PTPRD: variants seen among roughly 807,000 people sequenced by gnomAD.
PTPRD encodes receptor-type tyrosine-protein phosphatase delta.
Under a neutral mutation model 214.5 loss-of-function variants are expected in PTPRD, and 34 were observed. The ratio of observed to expected loss-of-function variants is 0.16; its 90% confidence interval spans 0.12 to 0.21. PTPRD has a LOEUF of 0.21. Among genes scored for constraint, PTPRD ranks in the 10% least tolerant of loss-of-function variants. The pLI, the probability that PTPRD is intolerant of heterozygous loss-of-function variation, is 1.00. For missense variants in PTPRD, 2,545 were observed against 2,398.7 expected (o/e 1.06, Z -1.27); for synonymous variants, 1,128 against 845.7 (o/e 1.33, Z -5.79).
chr9:8,381,037 C>A (rs78715966), intron 37 of PTPRD, among the ~76,000 whole-genome samples: 1,644 of 152,156 alleles, frequency 0.011, 43 homozygotes, highest in African/African-American at 0.038. Flanking sequence ...GTATTTGCCA[C>A]GAGATTATTT....
At chr9:9,199,099 T>C (rs1445073455) in intron 9 of PTPRD, among the ~76,000 whole-genome samples, 2 of 152,180 alleles carry the variant, frequency 1.3e-5, no homozygotes, top group East Asian at 1.9e-4. Context: ...GCCTTAGGGC[T>C]TCTCTGATGA....
At chr9:9,348,288 T>C (rs2137922650) in intron 9 of PTPRD, among the ~76,000 whole-genome samples, 1 of 152,212 alleles carries the variant, frequency 6.6e-6, no homozygotes, top group Admixed American at 6.6e-5. Context: ...CTATAATGTC[T>C]CTGGCACTGA....
intron 11 of PTPRD, among the ~76,000 whole-genome samples, chr9:8,972,178 G>A (rs778718236): frequency 6.6e-6 from 1 of 151,716 alleles, no homozygotes; most frequent in East Asian, 1.9e-4. Flanking sequence ...TACCATATGC[G>A]TTCTTGATAT....
intron 14 of PTPRD, among the ~76,000 whole-genome samples, chr9:8,552,348 C>T (rs1008346697): frequency 6.6e-6 from 1 of 152,166 alleles, no homozygotes; most frequent in Non-Finnish European, 1.5e-5. Context: ...TCTCTTCTTG[C>T]TGTGTCAGAA....
chr9:9,544,503 A>G (rs778278358), intron 8 of PTPRD, among the ~76,000 whole-genome samples: 51 of 151,790 alleles, frequency 3.4e-4, no homozygotes. Flanking sequence ...GAGGGCCTAT[A>G]TACTTAATGC....
chr9:10,572,452 A>T (rs2067759877), intron 2 of PTPRD, among the ~76,000 whole-genome samples: 1 of 152,180 alleles, frequency 6.6e-6, no homozygotes, highest in Non-Finnish European at 1.5e-5. Context: ...GAAGAAAGTG[A>T]TTTGACCAAC....
intron 10 of PTPRD, among the ~76,000 whole-genome samples, chr9:9,160,616 C>T (rs2099886252): frequency 6.6e-6 from 1 of 152,054 alleles, no homozygotes; most frequent in South Asian, 2.1e-4. Flanking sequence ...TAGAAAATGG[C>T]ATGGAGATTC....
At chr9:9,106,753 A>T (rs574226181) in intron 10 of PTPRD, among the ~76,000 whole-genome samples, 65 of 152,280 alleles carry the variant, frequency 4.3e-4, no homozygotes, top group African/African-American at 1.3e-3. Context: ...AAAAATTTCA[A>T]TACATGATAG....
intron 5 of PTPRD, among the ~76,000 whole-genome samples, chr9:9,775,999 C>T (rs1199620848): frequency 7.2e-6 from 1 of 139,100 alleles, no homozygotes; most frequent in African/African-American, 2.6e-5. Flanking sequence ...TTTTATGTCA[C>T]TCCCACTAAA....
intron 38 of PTPRD, 50 bp downstream of exon 38, chr9:8,376,557 C>A (rs2083311747): frequency 6.2e-7 from 1 of 1,610,058 alleles, no homozygotes. Flanking sequence ...AAGAAGCTTT[C>A]TTTAAACAAT....
intron 30 of PTPRD, among the ~76,000 whole-genome samples, chr9:8,476,359 G>T (rs1267285092): frequency 6.6e-6 from 1 of 152,126 alleles, no homozygotes; most frequent in Non-Finnish European, 1.5e-5. Flanking sequence ...CAGTGGTAAT[G>T]CTCCCTCCCC....
At chr9:8,548,281 T>C (rs1438497334) in intron 14 of PTPRD, among the ~76,000 whole-genome samples, 3 of 152,060 alleles carry the variant, frequency 2.0e-5, no homozygotes, top group Admixed American at 6.6e-5. Context: ...TGTTGAAGGA[T>C]GATGCAAAGA....
At chr9:10,321,240 G>A (rs2096547180) in intron 3 of PTPRD, among the ~76,000 whole-genome samples, 1 of 152,090 alleles carries the variant, frequency 6.6e-6, no homozygotes. Context: ...CTGTAAGAGA[G>A]TGTCTGATAC....
chr9:9,685,438 T>C (rs1001691832), intron 7 of PTPRD, among the ~76,000 whole-genome samples: 1 of 151,418 alleles, frequency 6.6e-6, no homozygotes, highest in Non-Finnish European at 1.5e-5. Context: ...AAATATTTTA[T>C]TTGGAATAAA....
chr9:9,869,411 G>A (rs1220765381), intron 5 of PTPRD, among the ~76,000 whole-genome samples: 1 of 152,010 alleles, frequency 6.6e-6, no homozygotes, highest in Non-Finnish European at 1.5e-5. Flanking sequence ...ATTAAGAATG[G>A]ATTAGGTTGA....
At chr9:9,616,167 C>T (rs1028152205) in intron 7 of PTPRD, among the ~76,000 whole-genome samples, 10 of 152,082 alleles carry the variant, frequency 6.6e-5, no homozygotes, top group Admixed American at 2.0e-4. Flanking sequence ...AGTATATTGT[C>T]CGATAACATA....
At chr9:9,876,273 A>T (rs967592113) in intron 5 of PTPRD, among the ~76,000 whole-genome samples, 8 of 152,160 alleles carry the variant, frequency 5.3e-5, no homozygotes, top group Admixed American at 6.5e-5. Flanking sequence ...TGAATATATG[A>T]TTTCTTTCTA....
intron 2 of PTPRD, among the ~76,000 whole-genome samples, chr9:10,505,955 G>C (rs1244379086): frequency 1.3e-5 from 2 of 152,052 alleles, no homozygotes; most frequent in African/African-American, 4.8e-5. Context: ...AGTCAATTCA[G>C]TGATCATAGT....
At chr9:10,217,642 A>C (rs2099547478) in intron 3 of PTPRD, among the ~76,000 whole-genome samples, 1 of 151,928 alleles carries the variant, frequency 6.6e-6, no homozygotes, top group African/African-American at 2.4e-5. Flanking sequence ...AAAAAATGAA[A>C]TTTAATTCAA....
Sources: allele counts gnomAD v4.1 joint callset (sites outside exome capture counted in the v4.1 genomes callset), GRCh38; gene constraint gnomAD v4.1.1; transcripts MANE v1.5; gene names NCBI Gene and HGNC (gene_info 2026-07-23, HGNC 2026-07-21).